Variants in VGLL3 observed in about 807,000 individuals in gnomAD.
VGLL3 encodes vestigial like family member 3.
VGLL3 carries 18 observed loss-of-function variants against 29.2 expected under a neutral mutation model. The ratio of observed to expected loss-of-function variants is 0.62; its 90% CI spans 0.43 to 0.91. The LOEUF (loss-of-function observed/expected upper bound fraction) is 0.91, where lower values mean the gene tolerates loss of function less well. Among genes scored for constraint, VGLL3 ranks in the 40% least tolerant of loss-of-function variants. The pLI is 0.00. For synonymous variants in VGLL3, 180 were observed against 151.8 expected (o/e 1.19, Z -1.36); for missense variants, 440 against 413.2 (o/e 1.06, Z -0.56).
chr3:86,976,419 A>C (rs1705212255), intron 2 of VGLL3, among the ~76,000 whole-genome samples: 1 of 152,196 alleles, frequency 6.6e-6, no homozygotes, highest in African/African-American at 2.4e-5. Flanking sequence ...AAGCTCCATG[A>C]GGGTAGAGCC....
At chr3:86,958,928 G>C (rs1051472164) in intron 3 of VGLL3, among the ~76,000 whole-genome samples, 18 of 152,048 alleles carry the variant, frequency 1.2e-4, no homozygotes, top group Admixed American at 1.0e-3. Flanking sequence ...CAGAGAAAAA[G>C]AAAAAGTTTT....
intron 3 of VGLL3, among the ~76,000 whole-genome samples, chr3:86,967,124 AT>A: frequency 6.6e-6 from 1 of 151,994 alleles, no homozygotes. Context: ...TATTGGTAGA[AT>A]TCATAGAGGG....
chr3:86,976,979 C>G lies in VGLL3; in HGVS notation c.403+1547G>C, dbSNP rs186027420. Among the ~76,000 whole-genome samples the G allele has an allele frequency of 2.4e-4, 37 of 152,308 alleles. No homozygotes were observed. In the East Asian group the frequency reaches 6.2e-3, roughly 25 times the overall value. On this transcript the variant is annotated intron_variant, in intron 2 of 3. Transcript: ENST00000398399. ...AAATTATTAAAATTATTCATCACGTCCTGTTAAATAGGACATTAGTCTATT... is the reference window on the plus strand; with the variant it reads ...AAATTATTAAAATTATTCATCACGTGCTGTTAAATAGGACATTAGTCTATT...
At chr3:86,957,793 C>G (rs1364534376) in intron 3 of VGLL3, among the ~76,000 whole-genome samples, 1 of 152,046 alleles carries the variant, frequency 6.6e-6, no homozygotes, top group Non-Finnish European at 1.5e-5. Flanking sequence ...TAATATATCT[C>G]TTTTCTTTTT....
At chr3:86,980,828 C>T (rs990477990) in intron 1 of VGLL3, among the ~76,000 whole-genome samples, 2 of 150,816 alleles carry the variant, frequency 1.3e-5, no homozygotes, top group Non-Finnish European at 2.9e-5. Context: ...CATTAGAAAG[C>T]AGCTCTGTTT....
rs577983240 is a variant in VGLL3, at chr3:86,943,858, A to G, written c.*3166T>C. The G allele has an allele frequency of 2.0e-5, 3 of 152,196 alleles. No homozygotes were observed. Among genetic ancestry groups the G allele is most frequent in the African/African-American group, 4.8e-5 (2 of 41,522 alleles). 9.4% of individuals were successfully genotyped at this position (152,196 alleles called of 1,614,324 possible). ...GATTCTATTTAAAATAAACGAGACA[A>G]TTTTCTAGGGTCTACTTCACAGATA... On this transcript the variant is annotated 3_prime_UTR_variant, in exon 4 of 4. Transcript: ENST00000398399.
intron 1 of VGLL3, among the ~76,000 whole-genome samples, chr3:86,987,925 GA>G (rs1218894065): frequency 3.3e-5 from 5 of 152,128 alleles, no homozygotes; most frequent in South Asian, 2.1e-4. Context: ...GTGCTTATCG[GA>G]AAACAGGTGA....
At position 86,941,547 on chromosome 3, in the gene VGLL3, T is replaced by C. The variant is rs1373295495; in HGVS notation, c.*5477A>G. The C allele has an allele frequency of 1.3e-5, 2 of 152,042 alleles. No individual in the cohort carries two copies. Among genetic ancestry groups the C allele is most frequent in the Non-Finnish European group, 2.9e-5 (2 of 67,966 alleles). 9.4% of individuals were successfully genotyped at this position (152,042 alleles called of 1,614,324 possible). On this transcript the variant is annotated 3_prime_UTR_variant, in exon 4 of 4. Transcript: ENST00000398399. ...GAATTGGTAAAAGTACACTTATTTA[T>C]AATAGAATTTCTTGGAACTTAAAAA...
chr3:86,947,252 T>C (rs1449713483), intron 3 of VGLL3, among the ~76,000 whole-genome samples, 185 bp from the exon 4 acceptor site: 1 of 152,158 alleles, frequency 6.6e-6, no homozygotes, highest in Non-Finnish European at 1.5e-5. Flanking sequence ...TTTCAAAAAA[T>C]CAACTAACAC....
intron 3 of VGLL3, among the ~76,000 whole-genome samples, chr3:86,957,016 AT>A (rs952986029): frequency 6.6e-6 from 1 of 151,730 alleles, no homozygotes; most frequent in Non-Finnish European, 1.5e-5. Context: ...TGTACTTAAA[AT>A]TTTTTTTGTT....
rs1704502536 is a variant in VGLL3 at position 86,946,182 on chromosome 3, A to C, written c.*842T>G. 1 of 152,154 alleles carries C rather than the reference A, an allele frequency of 6.6e-6. No individual in the cohort carries two copies. Among genetic ancestry groups the C allele is most frequent in the South Asian group, 2.1e-4 (1 of 4,834 alleles). 9.4% of individuals were successfully genotyped at this position (152,154 alleles called of 1,614,324 possible). A position where few individuals can be genotyped will look rare whatever the true frequency, so the allele number is the denominator to read the frequency against. ...TTAGTCTCCTCTAGGCAAACTCTTC[A>C]TTTGATTGAAAGTTTATGCCAACTT... On this transcript the variant is annotated 3_prime_UTR_variant, in exon 4 of 4. Transcript: ENST00000398399.
intron 1 of VGLL3, among the ~76,000 whole-genome samples, chr3:86,981,596 C>T (rs1293920801): frequency 6.6e-6 from 1 of 151,788 alleles, no homozygotes; most frequent in Non-Finnish European, 1.5e-5. Flanking sequence ...ACTGATTCCT[C>T]TAATTAAATA....
At chr3:86,954,430 T>A (rs1704676655) in intron 3 of VGLL3, among the ~76,000 whole-genome samples, 1 of 152,162 alleles carries the variant, frequency 6.6e-6, no homozygotes. Flanking sequence ...CAAACTCTCC[T>A]GTGCACAGAA....
At position 86,940,587 on chromosome 3, in the gene VGLL3, C is replaced by T. The variant is rs1294695131; in HGVS notation, c.*6437G>A. ...GGAAACAAAAAGAGCTTTAAATTCT[C>T]AAGAAATGCAGACCAAATCCAAATG... On this transcript the variant is annotated 3_prime_UTR_variant, in exon 4 of 4. Transcript: ENST00000398399. 6.6e-6 allele frequency: 1 copy of T among 152,408 alleles called. No homozygotes were observed. Among genetic ancestry groups the T allele is most frequent in the African/African-American group, 2.4e-5 (1 of 41,416 alleles). The allele number at this position is 152,408 out of a possible 1,614,324, so 9.4% of individuals were successfully genotyped here. A position where few individuals can be genotyped will look rare whatever the true frequency, so the allele number is the denominator to read the frequency against.
chr3:86,968,637 G>C lies in VGLL3; in HGVS notation c.890C>G (p.Ala297Gly), dbSNP rs552965256. ...VTSATSAWAG[A>G]FHGTVDIVPS... Reference sequence around the variant, plus strand: ...CACTATGTCTACTGTTCCATGAAAGGCTCCAGCCCATGCTGAGGTAGCAGA... The same window carrying C: ...CACTATGTCTACTGTTCCATGAAAGCCTCCAGCCCATGCTGAGGTAGCAGA... The change falls in exon 3 of 4, where the codon GCC becomes GGC. Residue 297 changes from alanine to glycine, a missense_variant. Physicochemically the swap from Ala to Gly is moderately conservative, Grantham distance 60. Coordinates refer to ENST00000398399, the MANE Select transcript of VGLL3 (RefSeq NM_016206.4). 11 of 1,614,196 alleles carry C rather than the reference G, an allele frequency of 6.8e-6. No homozygotes were observed. Among genetic ancestry groups the C allele is most frequent in the African/African-American group, 4.0e-5 (3 of 75,056 alleles).
chr3:86,976,641 G>C (rs1705216520), intron 2 of VGLL3, among the ~76,000 whole-genome samples: 1 of 152,178 alleles, frequency 6.6e-6, no homozygotes, highest in Non-Finnish European at 1.5e-5. Context: ...CTTGTGTAAT[G>C]TGTTTTGCAA....
At chr3:86,961,038 C>G (rs555564525) in intron 3 of VGLL3, among the ~76,000 whole-genome samples, 11 of 149,942 alleles carry the variant, frequency 7.3e-5, no homozygotes, top group Admixed American at 2.7e-4. Flanking sequence ...ATATGAATAC[C>G]TCAATTCTAA....
Position 86,978,838 on chromosome 3 carries a change from A to G in VGLL3, c.127-36T>C, listed in dbSNP as rs78662932. 228 of 1,524,538 alleles carry G rather than the reference A, an allele frequency of 1.5e-4. No homozygotes were observed. The East Asian group carries it at 2.8e-3, about 19-fold the overall frequency. 94.4% of individuals were successfully genotyped at this position (1,524,538 alleles called of 1,614,324 possible). On this transcript the variant is annotated intron_variant, in intron 1 of 3. Transcript: ENST00000398399. ...ATAAACAAAACACAGTATCAAAGAC[A>G]GTTTGTAGAAAAGCATTCACTAGTT... is the stretch of plus-strand genomic sequence containing the variant.
At position 86,988,119 on chromosome 3, in the gene VGLL3, A is replaced by G. The variant is rs551744717; in HGVS notation, c.126+2499T>C. ...TTGAGGGGGAAATTAGTTGACAGAT[A>G]CACTACTACAATTGAATACAGAAGT... is the stretch of plus-strand genomic sequence containing the variant. On this transcript the variant is annotated intron_variant, in intron 1 of 3. Transcript: ENST00000398399. Among the ~76,000 whole-genome samples the G allele has an allele frequency of 3.3e-5, 5 of 152,338 alleles. No individual in the cohort carries two copies. The East Asian group carries it at 7.7e-4, about 24-fold the overall frequency.
Sources: gnomAD v4.1 joint callset for allele counts (sites outside exome capture counted in the v4.1 genomes callset) on GRCh38, gnomAD v4.1.1 for gene constraint, MANE v1.5 for transcripts, NCBI Gene and HGNC (gene_info 2026-07-23, HGNC 2026-07-21) for gene names.